ELAPOR2: variants seen among roughly 807,000 people sequenced by gnomAD.
ELAPOR2 encodes the protein endosome-lysosome associated apoptosis and autophagy regulator family member 2.
In ELAPOR2, 89 loss-of-function variants were observed where a neutral mutation model predicts 120.7. The ratio of observed to expected loss-of-function variants is 0.74; its 90% CI spans 0.62 to 0.88. The LOEUF is 0.88. ELAPOR2 is among the 40% of genes least tolerant of loss of function. The pLI is 0.00. For synonymous variants in ELAPOR2, 444 were observed against 444.9 expected, an observed-to-expected ratio of 1.00 and a Z score of 0.03; for missense variants, 1,134 against 1,251.6, an observed-to-expected ratio of 0.91 and a Z score of 1.42.
chr7:87,028,187 G>C (rs1490647144), intron 1 of ELAPOR2, among the ~76,000 whole-genome samples: 2 of 152,002 alleles, frequency 1.3e-5, no homozygotes, highest in African/African-American at 4.8e-5. Flanking sequence ...TCACTGTGTT[G>C]CCTCCTTTCT....
intron 7 of ELAPOR2, among the ~76,000 whole-genome samples, chr7:86,938,566 ACATATC>A (rs1269427820): frequency 6.6e-6 from 1 of 152,078 alleles, no homozygotes; most frequent in Non-Finnish European, 1.5e-5. Context: ...ATTAGTATAA[ACATATC>A]CATAGCAGCT....
chr7:86,941,984 T>C, intron 5 of ELAPOR2, 34 bp downstream of exon 5: 1 of 1,316,540 alleles, frequency 7.6e-7, no homozygotes, highest in Non-Finnish European at 1.1e-6. Context: ...GAAGGAAAAA[T>C]TGGCAAAGAA....
In ELAPOR2 at chr7:86,912,105, G is replaced by T. The variant is rs550674624; in HGVS notation, c.2136C>A (p.Phe712Leu). The T allele has an allele frequency of 1.2e-6, 2 of 1,610,884 alleles. No homozygotes were observed. Among genetic ancestry groups the T allele is most frequent in the Admixed American group, 3.3e-5 (2 of 59,976 alleles). ...CACATAAACTGATATTGAAGAAATGGAAGTATTTTGTTCCTTTGGAGGTGA... is the reference window on the plus strand; with the variant it reads ...CACATAAACTGATATTGAAGAAATGTAAGTATTTTGTTCCTTTGGAGGTGA... Reference protein sequence around the residue: ...PSFTSKGTKYFHFFNISLCGH... With the variant: ...PSFTSKGTKYLHFFNISLCGH... Residue 712 changes from phenylalanine (F) to leucine (L), a missense_variant, in exon 15 of 22, where the codon TTC (phenylalanine) becomes TTA (leucine). Phe to Leu is a conservative substitution (Grantham distance 22). Around this residue, in one of 3 missense-constraint regions of ELAPOR2, gnomAD observed 831 missense variants for 867.6 expected, o/e 0.96. Coordinates refer to ENST00000450689, the MANE Select transcript of ELAPOR2 (RefSeq NM_001142749.3).
intron 1 of ELAPOR2, among the ~76,000 whole-genome samples, chr7:87,033,570 T>C (rs1327384783): frequency 2.0e-5 from 3 of 152,190 alleles, no homozygotes; most frequent in African/African-American, 7.2e-5. Flanking sequence ...AAACAGACTG[T>C]ATGTCTTTAA....
At chr7:87,007,201 T>C (rs1793512257) in intron 1 of ELAPOR2, among the ~76,000 whole-genome samples, 1 of 152,158 alleles carries the variant, frequency 6.6e-6, no homozygotes, top group Non-Finnish European at 1.5e-5. Context: ...ACACTGTACC[T>C]CAAAAAAGTA....
intron 1 of ELAPOR2, among the ~76,000 whole-genome samples, chr7:87,054,806 CA>C (rs1795213465): frequency 1.3e-5 from 2 of 152,208 alleles, no homozygotes; most frequent in African/African-American, 4.8e-5. Flanking sequence ...TGCTGAGCAC[CA>C]GTGACCTAAT....
chr7:87,034,913 T>C (rs1367642295), intron 1 of ELAPOR2, among the ~76,000 whole-genome samples: 1 of 151,942 alleles, frequency 6.6e-6, no homozygotes, highest in African/African-American at 2.4e-5. Context: ...TGAAACCCCG[T>C]CTCTACTAAA....
intron 1 of ELAPOR2, among the ~76,000 whole-genome samples, chr7:87,003,955 C>T (rs1793393940): frequency 1.3e-5 from 2 of 152,108 alleles, no homozygotes; most frequent in Admixed American, 1.3e-4. Flanking sequence ...TGCTGTGAGA[C>T]TTGAACATGG....
intron 1 of ELAPOR2, among the ~76,000 whole-genome samples, chr7:86,995,488 A>C (rs1214001059): frequency 1.3e-5 from 2 of 152,218 alleles, no homozygotes; most frequent in Non-Finnish European, 2.9e-5. Flanking sequence ...ACACATAAAC[A>C]AAATTGAGGT....
chr7:86,994,905 G>A (rs1205592089), intron 1 of ELAPOR2, among the ~76,000 whole-genome samples: 4 of 148,014 alleles, frequency 2.7e-5, no homozygotes, highest in Non-Finnish European at 4.5e-5. Flanking sequence ...GAATACCTTA[G>A]GTTACAAGTA....
At chr7:86,974,274 A>T (rs1562950969) in intron 1 of ELAPOR2, among the ~76,000 whole-genome samples, 2 of 152,154 alleles carry the variant, frequency 1.3e-5, no homozygotes, top group Non-Finnish European at 2.9e-5. Flanking sequence ...TTTAATAAGC[A>T]CCAAGAGAAA....
intron 2 of ELAPOR2, among the ~76,000 whole-genome samples, chr7:86,962,589 A>T (rs1223111702): frequency 6.6e-6 from 1 of 152,190 alleles, no homozygotes; most frequent in Non-Finnish European, 1.5e-5. Flanking sequence ...CTAGAATCAG[A>T]CATGTCTGTC....
chr7:87,035,729 C>G (rs1794564937), intron 1 of ELAPOR2, among the ~76,000 whole-genome samples: 1 of 151,658 alleles, frequency 6.6e-6, no homozygotes, highest in Non-Finnish European at 1.5e-5. Flanking sequence ...ATTGCTTTTG[C>G]AGCCATATGA....
At chr7:86,941,985 T>C in intron 5 of ELAPOR2, 33 bp downstream of exon 5, 1 of 1,325,302 alleles carries the variant, frequency 7.5e-7, no homozygotes, top group Non-Finnish European at 1.1e-6. Context: ...AAGGAAAAAT[T>C]GGCAAAGAAG....
chr7:86,940,010 C>A lies in ELAPOR2; in HGVS notation c.847G>T (p.Gly283Trp). ...PVLVKNITIEGVAYTSECFPC... is the reference protein window; with the variant it reads ...PVLVKNITIEWVAYTSECFPC... ...ACTAAAACAGAATGCCATGAAATAC[C>A]TTCAATTGTGATATTTTTTACCAGC... Residue 283 changes from glycine to tryptophan, a missense_variant and splice_region_variant, in exon 6 of 22, where the codon GGG becomes TGG. Gly to Trp is a radical substitution (Grantham distance 184). Transcript: ENST00000450689. The A allele has an allele frequency of 6.3e-7, 1 of 1,587,248 alleles. No homozygotes were observed. The highest frequency in any genetic ancestry group is 8.6e-7 in the Non-Finnish European group (1 of 1,158,926).
Position 87,059,397 on chromosome 7 carries a change from G to C in ELAPOR2, c.117C>G (p.Leu39=). The change falls in exon 1 of 22, where the codon CTC becomes CTG. Residue 39 remains leucine, a synonymous_variant. Transcript: ENST00000450689. ...WSPAWICCWA[L]AGCQAAWAGD... ...CAGCCCAGGCCGCCTGGCAGCCGGC[G>C]AGCGCCCAGCAGCAAATCCAGGCGG... 8.0e-7 allele frequency: 1 copy of C among 1,243,008 alleles called. No individual in the cohort carries two copies. Among genetic ancestry groups the C allele is most frequent in the Non-Finnish European group, 1.0e-6 (1 of 987,830 alleles). The allele number at this position is 1,243,008 out of a possible 1,614,324, so 77.0% of individuals were successfully genotyped here. A position where few individuals can be genotyped will look rare whatever the true frequency, so the allele number is the denominator to read the frequency against.
chr7:86,925,011 G>C (rs1357948340), intron 10 of ELAPOR2, among the ~76,000 whole-genome samples: 1 of 152,028 alleles, frequency 6.6e-6, no homozygotes. Context: ...TAAAAGGTAA[G>C]AGCAAATACA....
chr7:87,004,018 T>C (rs1233926741), intron 1 of ELAPOR2, among the ~76,000 whole-genome samples: 1 of 152,144 alleles, frequency 6.6e-6, no homozygotes, highest in Non-Finnish European at 1.5e-5. Flanking sequence ...CAGAGGTTCT[T>C]ATCTACAAAG....
intron 1 of ELAPOR2, among the ~76,000 whole-genome samples, chr7:87,028,485 A>G (rs1387289315): frequency 6.6e-6 from 1 of 152,120 alleles, no homozygotes; most frequent in East Asian, 1.9e-4. Context: ...GCTCCCTAGG[A>G]GACCTTAGAA....
Sources: allele counts gnomAD v4.1 joint callset (sites outside exome capture counted in the v4.1 genomes callset), GRCh38; gene constraint gnomAD v4.1.1; regional missense constraint gnomAD v4.1.1; transcripts MANE v1.5; gene names NCBI Gene and HGNC (gene_info 2026-07-23, HGNC 2026-07-21).